Variants in CCNP observed in about 807,000 individuals in gnomAD.
CCNP encodes the protein cyclin P, also known as cyclin-P.
Under a neutral mutation model 19.6 loss-of-function variants are expected in CCNP, and 18 were observed. The ratio of observed to expected loss-of-function variants is 0.92; its 90% CI spans 0.64 to 1.36. The LOEUF is 1.36. CCNP is among the 40% of genes most tolerant of loss of function. The pLI, the probability that CCNP is intolerant of heterozygous loss-of-function variation, is 0.00. For missense variants in CCNP, 440 were observed against 424.4 expected (o/e 1.04, Z -0.32); for synonymous variants, 228 against 194.9 (o/e 1.17, Z -1.41).
chr19:40,223,767 G>T, intron 3 of CCNP: 1 of 624,058 alleles, frequency 1.6e-6, no homozygotes, highest in Non-Finnish European at 2.8e-6. Flanking sequence ...TGTGACATAG[G>T]ACATTCACTT....
chr19:40,223,227 C>G lies in CCNP; in HGVS notation c.749G>C (p.Arg250Pro). 1 of 1,548,718 alleles carries G rather than the reference C, an allele frequency of 6.5e-7. No individual in the cohort carries two copies. The highest frequency in any genetic ancestry group is 2.4e-5 in the East Asian group (1 of 40,842). The change falls in exon 5 of 5, where the codon CGT becomes CCT. Residue 250 changes from arginine (R) to proline (P), a missense_variant. Arg to Pro is a moderately radical substitution (Grantham distance 103). Transcript: ENST00000430325. ...AEAAGWEPGRRAAAALSLAHR... is the reference protein window; with the variant it reads ...AEAAGWEPGRPAAAALSLAHR... ...CGCCAGGCTCAGAGCCGCAGCCGCACGACGACCCGGCTCCCATCCCGCCGC... is the reference window on the plus strand; with the variant it reads ...CGCCAGGCTCAGAGCCGCAGCCGCAGGACGACCCGGCTCCCATCCCGCCGC...
chr19:40,223,359 C>G (rs758130327), intron 4 of CCNP, 29 bp downstream of exon 4: 37 of 1,492,334 alleles, frequency 2.5e-5, no homozygotes, highest in Non-Finnish European at 3.2e-5. Flanking sequence ...CCGGCCACGC[C>G]CCCACCCCGC....
At position 40,226,655 on chromosome 19, in the gene CCNP, G is replaced by A; in HGVS notation, c.-14C>T. The A allele has an allele frequency of 6.4e-7, 1 of 1,553,864 alleles. No individual in the cohort carries two copies. Among genetic ancestry groups the A allele is most frequent in the East Asian group, 2.3e-5 (1 of 42,590 alleles). ...TCTCACCAGCATCCTCCAGGAGGGTGTTGCGGGCGAGGCCAAGCACCGACC... is the reference window on the plus strand; with the variant it reads ...TCTCACCAGCATCCTCCAGGAGGGTATTGCGGGCGAGGCCAAGCACCGACC... On this transcript the variant is annotated 5_prime_UTR_variant, in exon 1 of 5. Coordinates refer to ENST00000430325, the MANE Select transcript of CCNP (RefSeq NM_024877.4).
At chr19:40,223,756 G>C in intron 3 of CCNP, 1 of 665,290 alleles carries the variant, frequency 1.5e-6, no homozygotes, top group Non-Finnish European at 2.7e-6. Context: ...TCTGCTCACT[G>C]TGTGACATAG....
rs558939773 is a variant in CCNP, at chr19:40,222,519, A to T, written c.*533T>A. ...ACTGAGGCAGGGCAAGTGGTTGGAGATGACCCATCCTTGGAACTGGAGACT... is the reference window on the plus strand; with the variant it reads ...ACTGAGGCAGGGCAAGTGGTTGGAGTTGACCCATCCTTGGAACTGGAGACT... On this transcript the variant is annotated 3_prime_UTR_variant, in exon 5 of 5. Transcript: ENST00000430325. 447 of 398,802 alleles carry T rather than the reference A, an allele frequency of 1.1e-3. 2 individuals carry two copies. Among genetic ancestry groups the T allele is most frequent in the Non-Finnish European group, 1.6e-3 (368 of 226,170 alleles). 24.7% of individuals were successfully genotyped at this position (398,802 alleles called of 1,614,324 possible). A position where few individuals can be genotyped will look rare whatever the true frequency, so the allele number is the denominator to read the frequency against.
chr19:40,223,083 A>G lies in CCNP; in HGVS notation c.893T>C (p.Leu298Ser), dbSNP rs1973473422. Residue 298 changes from leucine (L) to serine (S), a missense_variant, in exon 5 of 5, where the codon TTA becomes TCA. By Grantham distance (145) the Leu-to-Ser change is moderately radical. Transcript: ENST00000430325. ...SFRDLPSWSF[L>S]RSRRMRDNY ...ATTGTCTCTCATTCTCCGAGACCGT[A>G]AAAATGACCAGGAAGGTAAGTCCCT... 1.3e-6 allele frequency: 2 copies of G among 1,546,982 alleles called. No homozygotes were observed. The highest frequency in any genetic ancestry group is 2.7e-5 in the African/African-American group (2 of 72,850).
Position 40,224,649 on chromosome 19 carries a change from G to A in CCNP, c.358-6C>T. 1 of 1,614,166 alleles carries A rather than the reference G, an allele frequency of 6.2e-7. No individual in the cohort carries two copies. Among genetic ancestry groups the A allele is most frequent in the Non-Finnish European group, 8.5e-7 (1 of 1,180,020 alleles). On this transcript the variant is annotated splice_polypyrimidine_tract_variant and splice_region_variant and intron_variant, in intron 2 of 4. Transcript: ENST00000430325. The stretch of plus-strand genomic sequence containing the variant: ...CCAGCCAGACCCAGGTACTCCTGAG[G>A]AGGGGCAAGGGTGACCACGGGGTCC...
At position 40,222,223 on chromosome 19, in the gene CCNP, T is replaced by C. The variant is rs1388323449; in HGVS notation, c.*829A>G. The C allele has an allele frequency of 1.3e-5, 5 of 397,872 alleles. No individual in the cohort carries two copies. The highest frequency in any genetic ancestry group is 4.4e-5 in the Admixed American group (1 of 22,682). The allele number at this position is 397,872 out of a possible 1,614,324, so 24.6% of individuals were successfully genotyped here. On this transcript the variant is annotated 3_prime_UTR_variant, in exon 5 of 5. Transcript: ENST00000430325. ...CAGAGAGCGCTCAGAATAAAATAAA[T>C]TCTTTTATTGAGATGAGAGACGGAC...
In CCNP at chr19:40,222,938, G is replaced by A. The variant is rs752114163; in HGVS notation, c.*114C>T. ...ATAGGAGCATCTTCTGGGCCTGGGA[G>A]ACTATCTTCCACTCTGGGGCAAGGT... On this transcript the variant is annotated 3_prime_UTR_variant, in exon 5 of 5. Coordinates refer to ENST00000430325, the MANE Select transcript of CCNP (RefSeq NM_024877.4). 2.2e-5 allele frequency: 14 copies of A among 633,616 alleles called. No individual in the cohort carries two copies. Among genetic ancestry groups the A allele is most frequent in the East Asian group, 5.9e-5 (2 of 33,728 alleles). The allele number at this position is 633,616 out of a possible 1,614,324, so 39.2% of individuals were successfully genotyped here.
Position 40,222,363 on chromosome 19 carries a change from C to G in CCNP, c.*689G>C, listed in dbSNP as rs1373232233. On this transcript the variant is annotated 3_prime_UTR_variant, in exon 5 of 5. Transcript: ENST00000430325. ...AGGCAGGCGGCGGCAAGGCTGGTCC[C>G]CTGGCGCTGGGGCCGCGCATACTTG... 1 of 398,902 alleles carries G rather than the reference C, an allele frequency of 2.5e-6. No homozygotes were observed. Among genetic ancestry groups the G allele is most frequent in the Non-Finnish European group, 4.4e-6 (1 of 226,078 alleles). 24.7% of individuals were successfully genotyped at this position (398,902 alleles called of 1,614,324 possible).
rs1973455602 is a variant in CCNP at position 40,222,278 on chromosome 19, T to C, written c.*774A>G. The C allele has an allele frequency of 7.5e-6, 3 of 398,692 alleles. No homozygotes were observed. The highest frequency in any genetic ancestry group is 4.4e-5 in the Admixed American group (1 of 22,714). The allele number at this position is 398,692 out of a possible 1,614,324, so 24.7% of individuals were successfully genotyped here. A position where few individuals can be genotyped will look rare whatever the true frequency, so the allele number is the denominator to read the frequency against. ...ACTGGGAGGGTTTTGTTTTTTGTTGTTGATTTTTTTGTGACTGAGTCCCAG... is the reference window on the plus strand; with the variant it reads ...ACTGGGAGGGTTTTGTTTTTTGTTGCTGATTTTTTTGTGACTGAGTCCCAG... On this transcript the variant is annotated 3_prime_UTR_variant, in exon 5 of 5. Transcript: ENST00000430325.
In CCNP at chr19:40,222,969, G is replaced by T; in HGVS notation, c.*83C>A. 1.3e-6 allele frequency: 1 copy of T among 770,328 alleles called. No homozygotes were observed. Among genetic ancestry groups the T allele is most frequent in the South Asian group, 1.9e-5 (1 of 52,444 alleles). 47.7% of individuals were successfully genotyped at this position (770,328 alleles called of 1,614,324 possible). On this transcript the variant is annotated 3_prime_UTR_variant, in exon 5 of 5. Transcript: ENST00000430325. Reference sequence around the variant, plus strand: ...CTTCCACTCTGGGGCAAGGTTAAGAGACCCCAGATCTGGACTAATGGGGTC... The same window carrying T: ...CTTCCACTCTGGGGCAAGGTTAAGATACCCCAGATCTGGACTAATGGGGTC...
Position 40,224,588 on chromosome 19 carries a change from G to C in CCNP, c.413C>G (p.Ser138Cys), listed in dbSNP as rs1973512303. Residue 138 changes from serine (S) to cysteine (C), a missense_variant, in exon 3 of 5, where the codon TCC becomes TGC. Coordinates refer to ENST00000430325, the MANE Select transcript of CCNP (RefSeq NM_024877.4). The part of the protein sequence containing the change: ...TLYLAVHLLD[S>C]YLSAGRVRLH... ...ACGCACGCGGCCAGCGCTCAGGTAG[G>C]AATCAAGCAGGTGAACCGCCAGATA... is the stretch of plus-strand genomic sequence containing the variant. 2 of 1,614,098 alleles carry C rather than the reference G, an allele frequency of 1.2e-6. No individual in the cohort carries two copies. Among genetic ancestry groups the C allele is most frequent in the Admixed American group, 1.7e-5 (1 of 60,004 alleles).
rs1209421447 is a variant in CCNP at position 40,223,437 on chromosome 19, G to A, written c.623C>T (p.Pro208Leu). The A allele has an allele frequency of 2.5e-6, 4 of 1,604,810 alleles. No homozygotes were observed. The highest frequency in any genetic ancestry group is 1.7e-6 in the Non-Finnish European group (2 of 1,176,232). ...GGCCAGCAGCCCGAGGCACAGCAGC[G>A]GGCCGGGGTGGTGCAGCCGGAAATC... ...RLDFRLHHPGPLLCLGLLAAL... is the reference protein window; with the variant it reads ...RLDFRLHHPGLLLCLGLLAAL... Residue 208 changes from proline to leucine, a missense_variant, in exon 4 of 5, where the codon CCG becomes CTG. Physicochemically the swap from Pro to Leu is moderately conservative, Grantham distance 98. Coordinates refer to ENST00000430325, the MANE Select transcript of CCNP (RefSeq NM_024877.4).
Position 40,226,571 on chromosome 19 carries a change from C to A in CCNP, c.71G>T (p.Arg24Met). The change falls in exon 1 of 5, where the codon AGG becomes ATG. Residue 24 changes from arginine to methionine, a missense_variant. Arg to Met is a moderately conservative substitution (Grantham distance 91). Coordinates refer to ENST00000430325, the MANE Select transcript of CCNP (RefSeq NM_024877.4). ...AGCGAGACTCTGCAAAGGAGAGGGC[C>A]TGGGGGCCCAGCGCCTAACGATAGG... ...LGPIVRRWAP[R>M]PSPLQSLAAS... is the part of the protein sequence containing the mutation. The A allele has an allele frequency of 6.3e-7, 1 of 1,577,950 alleles. No homozygotes were observed. Among genetic ancestry groups the A allele is most frequent in the East Asian group, 2.3e-5 (1 of 43,654 alleles).
chr19:40,226,611 C>T lies in CCNP; in HGVS notation c.31G>A (p.Gly11Ser). 9 of 1,578,988 alleles carry T rather than the reference C, an allele frequency of 5.7e-6. No homozygotes were observed. The highest frequency in any genetic ancestry group is 7.7e-6 in the Non-Finnish European group (9 of 1,163,884). Reference sequence around the variant, plus strand: ...CTAACGATAGGCCCGAGCCGGGAGCCGGACCCCTGGTCCCTGCCTCTCACC... The same window carrying T: ...CTAACGATAGGCCCGAGCCGGGAGCTGGACCCCTGGTCCCTGCCTCTCACC... MLVRGRDQGS[G>S]SRLGPIVRRW... The change falls in exon 1 of 5, where the codon GGC (glycine) becomes AGC (serine). Residue 11 changes from glycine to serine, a missense_variant. Gly to Ser is a moderately conservative substitution (Grantham distance 56). Transcript: ENST00000430325.
chr19:40,223,979 T>TTG (rs1555761127), intron 3 of CCNP, among the ~76,000 whole-genome samples: 25 of 151,906 alleles, frequency 1.6e-4, no homozygotes, highest in African/African-American at 6.1e-4. Flanking sequence ...TTTGTTTTTT[T>TTG]TTGTTGTTGT....
rs1262781317 is a variant in CCNP at position 40,224,544 on chromosome 19, G to A, written c.457C>T (p.Leu153=). ...GRVRLHRLQL[L]GVACLFVACK... is the part of the protein sequence containing the mutation. ...GCCACAAACAGGCAAGCCACGCCCA[G>A]CAGCTGCAGGCGATGTAGACGCACG... The change falls in exon 3 of 5, where the codon CTG becomes TTG. Residue 153 remains leucine (L), a synonymous_variant. Coordinates refer to ENST00000430325, the MANE Select transcript of CCNP (RefSeq NM_024877.4). 10 of 1,614,222 alleles carry A rather than the reference G, an allele frequency of 6.2e-6. No individual in the cohort carries two copies. In the East Asian group the frequency reaches 2.2e-4, roughly 36 times the overall value.
Position 40,223,252 on chromosome 19 carries a change from C to A in CCNP, c.724G>T (p.Ala242Ser). 1 of 1,544,764 alleles carries A rather than the reference C, an allele frequency of 6.5e-7. No homozygotes were observed. The highest frequency in any genetic ancestry group is 8.7e-7 in the Non-Finnish European group (1 of 1,142,974). The change falls in exon 5 of 5, where the codon GCG becomes TCG. Residue 242 changes from alanine to serine, a missense_variant. Transcript: ENST00000430325. ...CGACGACCCGGCTCCCATCCCGCCG[C>A]CTCGGCCTCCAGCAAAGACAGCTCC... The part of the protein sequence containing the change: ...FLELSLLEAE[A>S]AGWEPGRRAA...
Sources: gnomAD v4.1 joint callset for allele counts (sites outside exome capture counted in the v4.1 genomes callset) on GRCh38, gnomAD v4.1.1 for gene constraint, MANE v1.5 for transcripts, NCBI Gene and HGNC (gene_info 2026-07-23, HGNC 2026-07-21) for gene names.